The following NEO1 variants were observed in gnomAD, a reference collection of about 807,000 sequenced individuals.
NEO1 encodes neogenin 1.
In NEO1, 63 loss-of-function variants were observed where a neutral mutation model predicts 159.7. The ratio of observed to expected loss-of-function variants is 0.39; its 90% CI spans 0.32 to 0.49. The LOEUF is 0.49. NEO1 is among the 20% of genes least tolerant of loss of function. The pLI is 0.85. For synonymous variants in NEO1, 633 were observed against 662.0 expected (o/e 0.96, Z 0.67); for missense variants, 1,615 against 1,831.0 (o/e 0.88, Z 2.15).
chr15:73,256,177 G>A (rs765168152), intron 13 of NEO1: 1 of 152,166 alleles, frequency 6.6e-6, no homozygotes, highest in Non-Finnish European at 1.5e-5. Context: ...CAGGGTTCTT[G>A]AGAGAACCAA....
chr15:73,181,186 C>A (rs1447938608), intron 7 of NEO1, among the ~76,000 whole-genome samples: 1 of 152,096 alleles, frequency 6.6e-6, no homozygotes, highest in Non-Finnish European at 1.5e-5. Context: ...AAATAGAAGA[C>A]CTGTTCCTGT....
chr15:73,160,109 G>A (rs1432692958), intron 5 of NEO1, among the ~76,000 whole-genome samples: 2 of 152,016 alleles, frequency 1.3e-5, no homozygotes, highest in Non-Finnish European at 1.5e-5. Flanking sequence ...TTTTCCCCCT[G>A]TTCATTGTCT....
At chr15:73,183,577 AT>A (rs917580872) in intron 7 of NEO1, among the ~76,000 whole-genome samples, 3 of 152,202 alleles carry the variant, frequency 2.0e-5, no homozygotes, top group African/African-American at 7.2e-5. Flanking sequence ...TACAAGGCAG[AT>A]TTTGACTGCC....
At chr15:73,270,802 G>T (rs1027651078) in intron 18 of NEO1, among the ~76,000 whole-genome samples, 2 of 152,196 alleles carry the variant, frequency 1.3e-5, no homozygotes, top group Admixed American at 6.5e-5. Context: ...CACTTTGCTG[G>T]GTGACCCCAA....
At chr15:73,085,445 C>T (rs1031965252) in intron 1 of NEO1, among the ~76,000 whole-genome samples, 2 of 152,058 alleles carry the variant, frequency 1.3e-5, no homozygotes, top group Non-Finnish European at 2.9e-5. Flanking sequence ...GGGTTTATAA[C>T]GTTAGGTTTT....
intron 1 of NEO1, among the ~76,000 whole-genome samples, chr15:73,115,905 G>A (rs1011462315): frequency 3.9e-5 from 6 of 152,052 alleles, no homozygotes; most frequent in Non-Finnish European, 8.8e-5. Flanking sequence ...ATAGAACAAA[G>A]CAAGGCTGAA....
chr15:73,122,524 G>C lies in NEO1; in HGVS notation c.449-1G>C. ...ATTTCTTCTCTTCCTTTATTGTCCAGGTCTTCCAAGATTTACCAGCCAACC... is the reference window on the plus strand; with the variant it reads ...ATTTCTTCTCTTCCTTTATTGTCCACGTCTTCCAAGATTTACCAGCCAACC... On this transcript the variant is annotated splice_acceptor_variant, in intron 2 of 28. Transcript: ENST00000261908. LOFTEE classifies it high-confidence loss of function. 6.2e-7 allele frequency: 1 copy of C among 1,613,128 alleles called. No individual in the cohort carries two copies. Among genetic ancestry groups the C allele is most frequent in the Non-Finnish European group, 8.5e-7 (1 of 1,179,456 alleles).
At chr15:73,249,480 A>AT (rs2039962297) in intron 10 of NEO1, 103 bp from the exon 11 acceptor site, 2 of 1,274,108 alleles carry the variant, frequency 1.6e-6, no homozygotes, top group Admixed American at 2.9e-5. Flanking sequence ...AAGGGATAAA[A>AT]TCTGTTTCAT....
intron 2 of NEO1, among the ~76,000 whole-genome samples, chr15:73,121,651 A>G (rs1415109760): frequency 6.6e-6 from 1 of 152,166 alleles, no homozygotes; most frequent in African/African-American, 2.4e-5. Context: ...TTACTATCAA[A>G]TGGTGATTTT....
chr15:73,112,164 C>G (rs2071033379), intron 1 of NEO1, among the ~76,000 whole-genome samples: 1 of 152,030 alleles, frequency 6.6e-6, no homozygotes, highest in Non-Finnish European at 1.5e-5. Flanking sequence ...TCATTTTTCA[C>G]AGAACTGATT....
At chr15:73,260,231 A>G (rs775899883) in intron 14 of NEO1, 40 bp from the exon 15 acceptor site, 10 of 1,562,446 alleles carry the variant, frequency 6.4e-6, no homozygotes, top group Middle Eastern at 2.3e-4. Flanking sequence ...ATTTTAAAGG[A>G]CAGTATATCT....
chr15:73,098,251 T>C (rs2070195358), intron 1 of NEO1, among the ~76,000 whole-genome samples: 1 of 152,170 alleles, frequency 6.6e-6, no homozygotes, highest in Admixed American at 6.5e-5. Context: ...TAGTTCTCTG[T>C]GTGATTTTAA....
Position 73,126,545 on chromosome 15 carries a change from A to G in NEO1, c.853A>G (p.Asn285Asp), listed in dbSNP as rs1402042916. 2 of 1,613,492 alleles carry G rather than the reference A, an allele frequency of 1.2e-6. No homozygotes were observed. Among genetic ancestry groups the G allele is most frequent in the Admixed American group, 3.3e-5 (2 of 59,918 alleles). The change falls in exon 4 of 29, where the codon AAT becomes GAT. Residue 285 changes from asparagine (N) to aspartate (D), a missense_variant. By Grantham distance (23) the Asn-to-Asp change is conservative. Around this residue, in one of 3 missense-constraint regions of NEO1, gnomAD observed 1,018 missense variants for 1,115.4 expected, o/e 0.91. Transcript: ENST00000261908. ...LPTPTIKWMK[N>D]EEALDTESSE... The stretch of plus-strand genomic sequence containing the variant: ...TACTCCAACCATTAAATGGATGAAA[A>G]ATGAGGAGGCACTTGACACAGAAAG...
chr15:73,176,588 T>G (rs200345773), intron 6 of NEO1, 31 bp downstream of exon 6: 8 of 1,551,708 alleles, frequency 5.2e-6, no homozygotes. Flanking sequence ...TGTGTTTATT[T>G]CTGTAACCTT....
At chr15:73,279,538 G>A (rs1262829934) in intron 22 of NEO1, among the ~76,000 whole-genome samples, 1 of 151,554 alleles carries the variant, frequency 6.6e-6, no homozygotes, top group Non-Finnish European at 1.5e-5. Context: ...TAGTAGAGAC[G>A]GGGTTTCACC....
intron 9 of NEO1, among the ~76,000 whole-genome samples, chr15:73,245,073 C>T (rs1352330164): frequency 1.3e-5 from 2 of 151,074 alleles, no homozygotes. Flanking sequence ...AGCTCAGATG[C>T]CTTCTAGAAT....
At chr15:73,290,005 C>G (rs916269654) in intron 25 of NEO1, among the ~76,000 whole-genome samples, 8 of 151,906 alleles carry the variant, frequency 5.3e-5, no homozygotes, top group African/African-American at 1.7e-4. Context: ...GTAGTCCCAG[C>G]TACCCAAGAG....
chr15:73,114,373 G>A (rs1413691008), intron 1 of NEO1, among the ~76,000 whole-genome samples: 1 of 152,188 alleles, frequency 6.6e-6, no homozygotes, highest in Non-Finnish European at 1.5e-5. Context: ...CCTTTGAGGG[G>A]TTTTAAGTGA....
intron 20 of NEO1, 124 bp from the exon 21 acceptor site, chr15:73,274,568 T>G: frequency 1.1e-6 from 1 of 893,032 alleles, no homozygotes; most frequent in Non-Finnish European, 1.8e-6. Flanking sequence ...TAAAGTCAAG[T>G]TTCAGTTTGT....
Sources: gnomAD v4.1 joint callset for allele counts (sites outside exome capture counted in the v4.1 genomes callset) on GRCh38, gnomAD v4.1.1 for gene constraint, gnomAD v4.1.1 regional missense constraint, MANE v1.5 for transcripts, NCBI Gene and HGNC (gene_info 2026-07-23, HGNC 2026-07-21) for gene names.